Variants in CTNND2 observed in about 807,000 individuals in gnomAD.
CTNND2 encodes the protein catenin delta-2.
Under a neutral mutation model 144.4 loss-of-function variants are expected in CTNND2, and 22 were observed. That is an observed-to-expected ratio of 0.15 (90% confidence interval 0.11 to 0.22). The LOEUF (loss-of-function observed/expected upper bound fraction) is 0.22, where lower values mean the gene tolerates loss of function less well. Ranked by LOEUF, CTNND2 falls within the 10% of genes least tolerant of loss-of-function variation. The probability of loss-of-function intolerance (pLI) is 1.00; values close to 1 mark genes in which losing one functional copy is unlikely to be tolerated. For missense variants in CTNND2, 1,353 were observed against 1,618.8 expected, an observed-to-expected ratio of 0.84 and a Z score of 2.82; for synonymous variants, 751 against 695.6, an observed-to-expected ratio of 1.08 and a Z score of -1.25.
At chr5:11,423,651 C>T (rs1762541899) in intron 3 of CTNND2, among the ~76,000 whole-genome samples, 1 of 152,118 alleles carries the variant, frequency 6.6e-6, no homozygotes, top group Non-Finnish European at 1.5e-5. Context: ...TGTGTTGTTG[C>T]ATACATGTGT....
At chr5:11,767,915 G>A (rs533075475) in intron 1 of CTNND2, among the ~76,000 whole-genome samples, 1 of 47,858 alleles carries the variant, frequency 2.1e-5, no homozygotes, top group Non-Finnish European at 4.8e-5. Context: ...TAAATATTGT[G>A]TATATCTCAT....
chr5:11,626,162 T>C (rs759553849), intron 2 of CTNND2, among the ~76,000 whole-genome samples: 10 of 152,148 alleles, frequency 6.6e-5, no homozygotes, highest in East Asian at 1.9e-4. Flanking sequence ...GAGATTTCCA[T>C]TGTAACCTCA....
intron 9 of CTNND2, among the ~76,000 whole-genome samples, chr5:11,287,744 T>G (rs1747896785): frequency 6.6e-6 from 1 of 152,136 alleles, no homozygotes; most frequent in East Asian, 1.9e-4. Context: ...GCATTTAGAG[T>G]ACATTTCGTT....
chr5:11,258,355 G>A (rs1367271459), intron 9 of CTNND2, among the ~76,000 whole-genome samples: 2 of 152,136 alleles, frequency 1.3e-5, no homozygotes, highest in Non-Finnish European at 2.9e-5. Flanking sequence ...GCAGCATCAT[G>A]GCTTCCATCT....
At chr5:11,078,250 G>A (rs1393356574) in intron 16 of CTNND2, among the ~76,000 whole-genome samples, 1 of 152,130 alleles carries the variant, frequency 6.6e-6, no homozygotes, top group East Asian at 1.9e-4. Flanking sequence ...GTTCTGTATA[G>A]CATTTTCCTA....
chr5:11,568,018 T>C (rs1278420024), intron 2 of CTNND2, among the ~76,000 whole-genome samples: 1 of 152,192 alleles, frequency 6.6e-6, no homozygotes, highest in Admixed American at 6.5e-5. Context: ...GAACAGCATG[T>C]AGTCTAGGGC....
chr5:11,042,762 C>T (rs919000657), intron 16 of CTNND2, among the ~76,000 whole-genome samples: 2 of 152,160 alleles, frequency 1.3e-5, no homozygotes, highest in Non-Finnish European at 2.9e-5. Context: ...GGATTTCCTC[C>T]AGAGCTGAAA....
chr5:11,580,814 G>T (rs908691927), intron 2 of CTNND2, among the ~76,000 whole-genome samples: 2 of 152,142 alleles, frequency 1.3e-5, no homozygotes, highest in Non-Finnish European at 2.9e-5. Flanking sequence ...CAAAGCGTGA[G>T]ACTGACTTTT....
intron 9 of CTNND2, among the ~76,000 whole-genome samples, chr5:11,261,283 G>C (rs748620587): frequency 6.6e-5 from 10 of 152,174 alleles, no homozygotes; most frequent in Admixed American, 4.6e-4. Flanking sequence ...CAGATCTCTT[G>C]GTCTTGCCCC....
intron 9 of CTNND2, among the ~76,000 whole-genome samples, chr5:11,272,163 GGATT>G (rs1746094026): frequency 6.6e-6 from 1 of 151,960 alleles, no homozygotes; most frequent in Admixed American, 6.6e-5. Flanking sequence ...CAAAATTTGT[GGATT>G]AATTCAGAAA....
intron 1 of CTNND2, among the ~76,000 whole-genome samples, chr5:11,832,945 T>C (rs1030554316): frequency 6.6e-6 from 1 of 151,534 alleles, no homozygotes; most frequent in African/African-American, 2.4e-5. Context: ...TGTCTCTAAA[T>C]AAATAAACAC....
intron 21 of CTNND2, among the ~76,000 whole-genome samples, chr5:10,979,555 A>T (rs768829430): frequency 2.0e-5 from 3 of 152,192 alleles, no homozygotes; most frequent in Non-Finnish European, 4.4e-5. Context: ...GAAGTTTCTG[A>T]TCAACGAGGG....
chr5:11,772,166 TAA>T (rs1789985549), intron 1 of CTNND2, among the ~76,000 whole-genome samples: 1 of 152,228 alleles, frequency 6.6e-6, no homozygotes, highest in Non-Finnish European at 1.5e-5. Flanking sequence ...TTAGAAGTTT[TAA>T]TCTTAATTAA....
At chr5:11,295,574 T>C (rs560280779) in intron 9 of CTNND2, among the ~76,000 whole-genome samples, 1 of 152,302 alleles carries the variant, frequency 6.6e-6, no homozygotes, top group South Asian at 2.1e-4. Flanking sequence ...GCTACCTGAC[T>C]TCAAAATATA....
chr5:11,397,134 G>A lies in CTNND2; in HGVS notation c.509C>T (p.Ala170Val). The change falls in exon 6 of 22, where the codon GCC becomes GTC. Residue 170 changes from alanine to valine, a missense_variant. This residue lies in a region of CTNND2 where 708 missense variants were observed against 706.4 expected (regional missense o/e 1.00). Coordinates refer to ENST00000304623, the MANE Select transcript of CTNND2 (RefSeq NM_001332.4). ...SKPEGSFQYP[A>V]SYHSNQTLAL... The stretch of plus-strand genomic sequence containing the variant: ...CAGGGTCTGGTTGCTATGGTAGCTG[G>A]CCGGATACTGGAAAGACCCTTCAGG... 1 of 1,614,230 alleles carries A rather than the reference G, an allele frequency of 6.2e-7. No individual in the cohort carries two copies. The highest frequency in any genetic ancestry group is 8.5e-7 in the Non-Finnish European group (1 of 1,180,032).
chr5:11,615,231 T>C (rs1344511744), intron 2 of CTNND2, among the ~76,000 whole-genome samples: 2 of 152,168 alleles, frequency 1.3e-5, no homozygotes, highest in South Asian at 4.1e-4. Flanking sequence ...AAATCACCAT[T>C]ACCTTTAATG....
intron 12 of CTNND2, among the ~76,000 whole-genome samples, chr5:11,146,089 T>G (rs10066098): frequency 0.021 from 3,254 of 152,092 alleles, 111 homozygotes; most frequent in African/African-American, 0.075. Context: ...TTTAATGACA[T>G]TAAGTATCCC....
At chr5:11,101,918 T>TGC (rs1403296178) in intron 14 of CTNND2, among the ~76,000 whole-genome samples, 3 of 151,854 alleles carry the variant, frequency 2.0e-5, no homozygotes, top group Non-Finnish European at 4.4e-5. Flanking sequence ...TGTGTGTGTG[T>TGC]GTGTGTTTAC....
At chr5:11,174,833 T>C (rs1760307447) in intron 11 of CTNND2, among the ~76,000 whole-genome samples, 1 of 152,196 alleles carries the variant, frequency 6.6e-6, no homozygotes, top group Admixed American at 6.5e-5. Context: ...ATGTAAAGTG[T>C]AATAGGATTT....
Sources: allele counts gnomAD v4.1 joint callset (sites outside exome capture counted in the v4.1 genomes callset), GRCh38; gene constraint gnomAD v4.1.1; regional missense constraint gnomAD v4.1.1; transcripts MANE v1.5; gene names NCBI Gene and HGNC (gene_info 2026-07-23, HGNC 2026-07-21).